The following SMIM17 variants were observed in gnomAD, a reference collection of about 807,000 sequenced individuals.
SMIM17 encodes the protein small integral membrane protein 17.
In SMIM17, 10 loss-of-function variants were observed where a neutral mutation model predicts 12.2. That is an observed-to-expected ratio of 0.82 (90% CI 0.50 to 1.39). The LOEUF (loss-of-function observed/expected upper bound fraction) is 1.39, where lower values mean the gene tolerates loss of function less well. SMIM17 is among the 40% of genes most tolerant of loss of function. The pLI is 0.00. For missense variants in SMIM17, 136 were observed against 118.2 expected, an observed-to-expected ratio of 1.15 and a Z score of -0.70; for synonymous variants, 50 against 44.1, an observed-to-expected ratio of 1.13 and a Z score of -0.53.
At chr19:56,654,021 T>C (rs1305420652) in intron 3 of SMIM17, among the ~76,000 whole-genome samples, 1 of 152,236 alleles carries the variant, frequency 6.6e-6, no homozygotes, top group Non-Finnish European at 1.5e-5. Context: ...AAAATTGTCA[T>C]CGTTAAACAT....
chr19:56,646,527 C>T (rs1040065956), intron 2 of SMIM17, among the ~76,000 whole-genome samples: 16 of 152,060 alleles, frequency 1.1e-4, no homozygotes, highest in Non-Finnish European at 1.9e-4. Context: ...ATGCACAGGA[C>T]GGACCCTCCC....
At position 56,645,662 on chromosome 19, in the gene SMIM17, G is replaced by A. The variant is rs1417408533; in HGVS notation, c.-6G>A. 9 of 1,485,084 alleles carry A rather than the reference G, an allele frequency of 6.1e-6. No individual in the cohort carries two copies. The highest frequency in any genetic ancestry group is 7.1e-6 in the Non-Finnish European group (8 of 1,123,494). The allele number at this position is 1,485,084 out of a possible 1,614,324, so 92.0% of individuals were successfully genotyped here. A position where few individuals can be genotyped will look rare whatever the true frequency, so the allele number is the denominator to read the frequency against. On this transcript the variant is annotated 5_prime_UTR_variant, in exon 2 of 4. Coordinates refer to ENST00000598409, the MANE Select transcript of SMIM17 (RefSeq NM_001193628.2). The stretch of plus-strand genomic sequence containing the variant: ...TGTCTCAGAAGCTCCACCTCCTCCT[G>A]GGGCAATGCAGAGTCTCAGGCCTGA...
Position 56,656,393 on chromosome 19 carries a change from G to A in SMIM17, c.*1180G>A, listed in dbSNP as rs10416532. On this transcript the variant is annotated 3_prime_UTR_variant, in exon 4 of 4. Coordinates refer to ENST00000598409, the MANE Select transcript of SMIM17 (RefSeq NM_001193628.2). ...GTAAACTGCTGTTTGTGGTTTACTC[G>A]TTATTAGATTTGTCAAAGGTTTATC... 0.56 allele frequency among the ~76,000 whole-genome samples: 84,585 copies of A among 151,966 alleles called. 23,618 individuals are homozygous for A. The highest frequency in any genetic ancestry group is 0.73 in the East Asian group (3,773 of 5,180).
At position 56,647,559 on chromosome 19, in the gene SMIM17, C is replaced by A; in HGVS notation, c.171C>A (p.Asp57Glu). The stretch of plus-strand genomic sequence containing the variant: ...TCCTCCACTCCCACCCTCACCCAGA[C>A]CTGTCTTCTCAAGAGACTGGGCTTT... ...GASSHDSDEK[D>E]LSSQETGLSQ... is the part of the protein sequence containing the mutation. Residue 57 changes from aspartate (D) to glutamate (E), a missense_variant and splice_region_variant, in exon 3 of 4, where the codon GAC becomes GAA. By Grantham distance (45) the Asp-to-Glu change is conservative. Transcript: ENST00000598409. The A allele has an allele frequency of 6.5e-7, 1 of 1,535,596 alleles. No homozygotes were observed. The highest frequency in any genetic ancestry group is 8.7e-7 in the Non-Finnish European group (1 of 1,146,612).
intron 3 of SMIM17, among the ~76,000 whole-genome samples, chr19:56,651,878 C>A (rs2045111644): frequency 6.6e-6 from 1 of 151,702 alleles, no homozygotes; most frequent in Non-Finnish European, 1.5e-5. Context: ...CAGAGTCAGG[C>A]GGATCGCTTA....
chr19:56,647,431 G>GAGAGAGAGAGAGAGAGAGAGAC, intron 2 of SMIM17, 127 bp from the exon 3 acceptor site: 1 of 381,624 alleles, frequency 2.6e-6, no homozygotes, highest in African/African-American at 4.5e-5. Flanking sequence ...GAGAGAGAGA[G>GAGAGAGAGAGAGAGAGAGAGAC]AGAGAGAGAG....
chr19:56,648,889 A>G (rs1353085300), intron 3 of SMIM17, among the ~76,000 whole-genome samples: 2 of 152,218 alleles, frequency 1.3e-5, no homozygotes, highest in East Asian at 3.9e-4. Flanking sequence ...AAATCACATA[A>G]TCACTCTCAG....
intron 3 of SMIM17, among the ~76,000 whole-genome samples, chr19:56,652,191 T>C (rs1281484350): frequency 2.7e-5 from 4 of 146,288 alleles, no homozygotes; most frequent in East Asian, 2.0e-4. Flanking sequence ...TGAGACTGAA[T>C]TGAGATTTGT....
At chr19:56,651,115 C>A (rs542441705) in intron 3 of SMIM17, among the ~76,000 whole-genome samples, 2 of 152,180 alleles carry the variant, frequency 1.3e-5, no homozygotes, top group Non-Finnish European at 2.9e-5. Flanking sequence ...ATGACAGTTA[C>A]AGCCTCATTA....
rs958732639 is a variant in SMIM17, at chr19:56,656,195, T to C, written c.*982T>C. ...TCCTGACCTCGTGATCCGCCCGCCT[T>C]GGCCTCCCAAAGTGCTGGGATTACA... is the stretch of plus-strand genomic sequence containing the variant. On this transcript the variant is annotated 3_prime_UTR_variant, in exon 4 of 4. Coordinates refer to ENST00000598409, the MANE Select transcript of SMIM17 (RefSeq NM_001193628.2). Among the ~76,000 whole-genome samples the C allele has an allele frequency of 3.0e-4, 46 of 152,148 alleles. No individual in the cohort carries two copies. The highest frequency in any genetic ancestry group is 4.9e-4 in the Non-Finnish European group (33 of 67,990).
chr19:56,651,147 T>G (rs528194142), intron 3 of SMIM17, among the ~76,000 whole-genome samples: 1 of 152,338 alleles, frequency 6.6e-6, no homozygotes, highest in African/African-American at 2.4e-5. Context: ...CTGGACTTTG[T>G]GCTCTACTTA....
At chr19:56,649,310 G>A (rs1166203410) in intron 3 of SMIM17, among the ~76,000 whole-genome samples, 1 of 152,174 alleles carries the variant, frequency 6.6e-6, no homozygotes, top group African/African-American at 2.4e-5. Context: ...TTCACTCATT[G>A]CACGTCTATT....
intron 3 of SMIM17, among the ~76,000 whole-genome samples, chr19:56,652,657 A>T (rs1331854751): frequency 8.3e-6 from 1 of 120,480 alleles, no homozygotes; most frequent in Non-Finnish European, 1.7e-5. Context: ...CCTTCTCAAA[A>T]AAAAGAAAAA....
At position 56,645,762 on chromosome 19, in the gene SMIM17, C is replaced by T. The variant is rs2045058068; in HGVS notation, c.95C>T (p.Pro32Leu). The change falls in exon 2 of 4, where the codon CCT becomes CTT. Residue 32 changes from proline (P) to leucine (L), a missense_variant. Pro to Leu is a moderately conservative substitution (Grantham distance 98). Transcript: ENST00000598409. ...CGGGAGAGCCGGGCCTGGGAGAAGC[C>T]TCCTCATCCCGCCTGCACCAAAGAC... ...LPRESRAWEK[P>L]PHPACTKDWE... 1 of 1,535,998 alleles carries T rather than the reference C, an allele frequency of 6.5e-7. No homozygotes were observed. Among genetic ancestry groups the T allele is most frequent in the Non-Finnish European group, 8.7e-7 (1 of 1,146,860 alleles).
At chr19:56,646,326 T>C (rs2045062760) in intron 2 of SMIM17, among the ~76,000 whole-genome samples, 1 of 152,184 alleles carries the variant, frequency 6.6e-6, no homozygotes, top group Non-Finnish European at 1.5e-5. Context: ...GAAAAACACA[T>C]GATCTCATTT....
At chr19:56,654,475 G>T (rs996117628) in intron 3 of SMIM17, among the ~76,000 whole-genome samples, 1 of 152,218 alleles carries the variant, frequency 6.6e-6, no homozygotes, top group Non-Finnish European at 1.5e-5. Flanking sequence ...AGATGACAGT[G>T]GCTTTGGCCA....
At chr19:56,654,750 G>C (rs963172480) in intron 3 of SMIM17, among the ~76,000 whole-genome samples, 2 of 152,190 alleles carry the variant, frequency 1.3e-5, no homozygotes, top group Non-Finnish European at 2.9e-5. Flanking sequence ...ATGGCAAATA[G>C]GCAGTGAGAT....
intron 3 of SMIM17, among the ~76,000 whole-genome samples, chr19:56,648,161 TCCA>T (rs2045080974): frequency 6.8e-6 from 1 of 147,038 alleles, no homozygotes; most frequent in African/African-American, 2.5e-5. Context: ...CATCCATCCA[TCCA>T]TCCATCCATC....
At position 56,656,089 on chromosome 19, in the gene SMIM17, C is replaced by T. The variant is rs937220705; in HGVS notation, c.*876C>T. Among the ~76,000 whole-genome samples the T allele has an allele frequency of 1.3e-5, 2 of 151,574 alleles. No individual in the cohort carries two copies. Among genetic ancestry groups the T allele is most frequent in the South Asian group, 2.1e-4 (1 of 4,778 alleles). On this transcript the variant is annotated 3_prime_UTR_variant, in exon 4 of 4. Transcript: ENST00000598409. ...CCTCCCAAGTAGCTGGGACTACAGG[C>T]GCCCACCACCATGCCCAGCTAATTT...
Sources: gnomAD v4.1 joint callset for allele counts (sites outside exome capture counted in the v4.1 genomes callset) on GRCh38, gnomAD v4.1.1 for gene constraint, MANE v1.5 for transcripts, NCBI Gene and HGNC (gene_info 2026-07-23, HGNC 2026-07-21) for gene names.